The following SRCAP variants were observed in gnomAD, a reference collection of about 807,000 sequenced individuals.
SRCAP encodes Snf2 related CREBBP activator protein.
A neutral mutation model predicts 263.1 loss-of-function variants in SRCAP; 46 were observed. The observed-to-expected ratio is 0.17, with a 90% CI of 0.14 to 0.22. The LOEUF (loss-of-function observed/expected upper bound fraction) is 0.22, where lower values mean the gene tolerates loss of function less well. Ranked by LOEUF, SRCAP falls within the 10% of genes least tolerant of loss-of-function variation. The probability of loss-of-function intolerance (pLI) is 1.00; values close to 1 mark genes in which losing one functional copy is unlikely to be tolerated. For synonymous variants in SRCAP, 1,813 were observed against 1,662.1 expected (o/e 1.09, Z -2.21); for missense variants, 3,695 against 4,181.9 (o/e 0.88, Z 3.21).
chr16:30,738,308 T>C lies in SRCAP; in HGVS notation c.8268T>C (p.Thr2756=). ...GAAAGCTGCCAGGACGGCTGGTAAC[T>C]GTGGTAGAGGAAAAGGAACTGGTGC... The part of the protein sequence containing the change: ...VLRKLPGRLV[T]VVEEKELVRR... The change falls in exon 34 of 34, where the codon ACT becomes ACC. Residue 2756 remains threonine, a synonymous_variant. Transcript: ENST00000262518. 7 of 1,595,396 alleles carry C rather than the reference T, an allele frequency of 4.4e-6. No individual in the cohort carries two copies. The highest frequency in any genetic ancestry group is 6.0e-6 in the Non-Finnish European group (7 of 1,169,780).
chr16:30,701,699 G>A (rs1335932355), intron 3 of SRCAP, among the ~76,000 whole-genome samples: 3 of 146,584 alleles, frequency 2.0e-5, no homozygotes, highest in African/African-American at 5.2e-5. Context: ...GCGCGATCTC[G>A]GCTCACTGCA....
At position 30,707,224 on chromosome 16, in the gene SRCAP, G is replaced by A; in HGVS notation, c.348G>A (p.Glu116=). The A allele has an allele frequency of 6.2e-7, 1 of 1,614,210 alleles. No homozygotes were observed. Among genetic ancestry groups the A allele is most frequent in the East Asian group, 2.2e-5 (1 of 44,882 alleles). The stretch of plus-strand genomic sequence containing the variant: ...CTCGGATTGCTGAGCTGCGGAAGGA[G>A]GGTTTCTGGTCACTGAAGAGGCTGC... ...IETRIAELRK[E]GFWSLKRLPK... is the part of the protein sequence containing the mutation. The change falls in exon 5 of 34, where the codon GAG becomes GAA. Residue 116 remains glutamate, a synonymous_variant. Coordinates refer to ENST00000262518, the MANE Select transcript of SRCAP (RefSeq NM_006662.3).
intron 4 of SRCAP, among the ~76,000 whole-genome samples, chr16:30,705,474 C>T (rs1297047494): frequency 6.6e-6 from 1 of 152,106 alleles, no homozygotes; most frequent in Admixed American, 6.6e-5. Context: ...TTTTGGCTCA[C>T]TGCAAGCTCC....
In SRCAP at chr16:30,704,281, A is replaced by C. The variant is rs1381747460; in HGVS notation, c.272A>C (p.Lys91Thr). 6.2e-7 allele frequency: 1 copy of C among 1,612,962 alleles called. No homozygotes were observed. Among genetic ancestry groups the C allele is most frequent in the Admixed American group, 1.7e-5 (1 of 59,936 alleles). Residue 91 changes from lysine (K) to threonine (T), a missense_variant, in exon 4 of 34, where the codon AAG becomes ACG. By Grantham distance (78) the Lys-to-Thr change is moderately conservative. This residue lies in a region of SRCAP where 122 missense variants were observed against 116.9 expected (regional missense o/e 1.04). Coordinates refer to ENST00000262518, the MANE Select transcript of SRCAP (RefSeq NM_006662.3). ...DLANKGPKWE[K>T]SHAEIAEQAK... The stretch of plus-strand genomic sequence containing the variant: ...GCTAACAAGGGCCCGAAGTGGGAGA[A>C]GAGCCATGCCGAAATTGCAGAACAG...
At chr16:30,711,503 T>C (rs1466788393) in intron 10 of SRCAP, 68 bp from the exon 11 acceptor site, 4 of 1,472,422 alleles carry the variant, frequency 2.7e-6, no homozygotes, top group African/African-American at 2.8e-5. Context: ...TAAAATTAAC[T>C]GGTACTACTC....
chr16:30,739,215 G>A lies in SRCAP; in HGVS notation c.9175G>A (p.Gly3059Arg). The A allele has an allele frequency of 6.2e-7, 1 of 1,613,596 alleles. No individual in the cohort carries two copies. Among genetic ancestry groups the A allele is most frequent in the Non-Finnish European group, 8.5e-7 (1 of 1,180,022 alleles). Residue 3059 changes from glycine (G) to arginine (R), a missense_variant, in exon 34 of 34, where the codon GGA becomes AGA. By Grantham distance (125) the Gly-to-Arg change is moderately radical. Coordinates refer to ENST00000262518, the MANE Select transcript of SRCAP (RefSeq NM_006662.3). ...ESEGSSSDED[G>R]SRPLTRLARL... Reference sequence around the variant, plus strand: ...TGAGGGTAGTTCCTCTGATGAGGATGGAAGCCGCCCCCTCACCCGCCTGGC... The same window carrying A: ...TGAGGGTAGTTCCTCTGATGAGGATAGAAGCCGCCCCCTCACCCGCCTGGC...
intron 25 of SRCAP, chr16:30,725,583 C>T (rs2151294942): frequency 6.5e-6 from 1 of 153,986 alleles, no homozygotes; most frequent in East Asian, 1.9e-4. Flanking sequence ...CATGCCTACT[C>T]CCCCACCTTC....
At chr16:30,704,858 A>G (rs1424727074) in intron 4 of SRCAP, among the ~76,000 whole-genome samples, 1 of 152,018 alleles carries the variant, frequency 6.6e-6, no homozygotes, top group Non-Finnish European at 1.5e-5. Flanking sequence ...AAAGGAGAAA[A>G]TAGACACAAA....
intron 3 of SRCAP, among the ~76,000 whole-genome samples, chr16:30,702,550 TTCCC>T (rs1221956467): frequency 3.9e-5 from 5 of 127,050 alleles, no homozygotes; most frequent in East Asian, 4.9e-4. Context: ...TCCACCCTCC[TTCCC>T]TCCCTCCCTC....
intron 3 of SRCAP, among the ~76,000 whole-genome samples, chr16:30,702,617 C>T (rs796412354): frequency 1.5e-5 from 2 of 134,380 alleles, no homozygotes; most frequent in African/African-American, 2.8e-5. Flanking sequence ...CCCTCCCTCC[C>T]TCCTTCCTTC....
chr16:30,729,829 A>G (rs565481553), intron 27 of SRCAP, among the ~76,000 whole-genome samples: 3 of 151,960 alleles, frequency 2.0e-5, no homozygotes, highest in Non-Finnish European at 4.4e-5. Context: ...AGTGCAGTGC[A>G]GTGGTGCAGT....
At position 30,738,049 on chromosome 16, in the gene SRCAP, C is replaced by G; in HGVS notation, c.8009C>G (p.Ala2670Gly). 1 of 1,614,166 alleles carries G rather than the reference C, an allele frequency of 6.2e-7. No individual in the cohort carries two copies. The highest frequency in any genetic ancestry group is 8.5e-7 in the Non-Finnish European group (1 of 1,180,028). The change falls in exon 34 of 34, where the codon GCT becomes GGT. Residue 2670 changes from alanine to glycine, a missense_variant. Physicochemically the swap from Ala to Gly is moderately conservative, Grantham distance 60. This residue lies in a region of SRCAP where 1,207 missense variants were observed against 1,142.9 expected (regional missense o/e 1.06). Transcript: ENST00000262518. ...GAGCCACTTCAGGAGCCACTGGAGG[C>G]TGACAGGACCTCGGAAGAGCTGACA... ...SDEPLQEPLE[A>G]DRTSEELTEA... is the part of the protein sequence containing the mutation.
At chr16:30,708,024 G>A (rs1372693496) in intron 6 of SRCAP, among the ~76,000 whole-genome samples, 1 of 152,210 alleles carries the variant, frequency 6.6e-6, no homozygotes, top group South Asian at 2.1e-4. Context: ...TGTATAGTAA[G>A]TTGTAATTAT....
chr16:30,734,362 C>T (rs900710319), intron 30 of SRCAP, 134 bp from the exon 31 acceptor site: 1 of 1,327,150 alleles, frequency 7.5e-7, no homozygotes, highest in Non-Finnish European at 1.0e-6. Flanking sequence ...ACAAAAAGGA[C>T]TGCTTTGGCC....
Position 30,710,763 on chromosome 16 carries a change from C to A in SRCAP, c.1144C>A (p.Pro382Thr). 1 of 1,614,180 alleles carries A rather than the reference C, an allele frequency of 6.2e-7. No homozygotes were observed. Among genetic ancestry groups the A allele is most frequent in the South Asian group, 1.1e-5 (1 of 91,084 alleles). ...ATCTTTTGCCATACAGATAAAGCCCCCACCCTCTGCTGTCACACAGCGCAA... is the reference window on the plus strand; with the variant it reads ...ATCTTTTGCCATACAGATAAAGCCCACACCCTCTGCTGTCACACAGCGCAA... ...EPPQVLEIKP[P>T]PSAVTQRNKQ... Residue 382 changes from proline to threonine, a missense_variant, in exon 9 of 34, where the codon CCA becomes ACA. Around this residue, in one of 12 missense-constraint regions of SRCAP, gnomAD observed 288 missense variants for 302.4 expected, o/e 0.95. Coordinates refer to ENST00000262518, the MANE Select transcript of SRCAP (RefSeq NM_006662.3).
rs2053035593 is a variant in SRCAP, at chr16:30,723,838, C to T, written c.4414C>T (p.Leu1472=). 1 of 1,614,138 alleles carries T rather than the reference C, an allele frequency of 6.2e-7. No homozygotes were observed. Reference sequence around the variant, plus strand: ...GACTGTTTCTGCTTCGGGCCCAGCTCTGTTGACCAGTGTGACTCCACCATT... The same window carrying T: ...GACTGTTTCTGCTTCGGGCCCAGCTTTGTTGACCAGTGTGACTCCACCATT... ...PLTVSASGPA[L]LTSVTPPLAP... The change falls in exon 25 of 34, where the codon CTG becomes TTG. Residue 1472 remains leucine, a synonymous_variant. Coordinates refer to ENST00000262518, the MANE Select transcript of SRCAP (RefSeq NM_006662.3).
chr16:30,721,023 G>C (rs1438971918), intron 20 of SRCAP, 45 bp downstream of exon 20: 1 of 1,563,312 alleles, frequency 6.4e-7, no homozygotes, highest in Admixed American at 1.8e-5. Flanking sequence ...GCTTCAGAAA[G>C]GTTGTTCAGA....
rs370256356 is a variant in SRCAP, at chr16:30,737,374, C to T, written c.7334C>T (p.Pro2445Leu). ...RVPRPAPRPR[P>L]TPASAPAAIP... ...CCCAGGCCAGCACCTAGGCCTCGAC[C>T]CACTCCAGCTTCAGCTCCGGCTGCA... Residue 2445 changes from proline (P) to leucine (L), a missense_variant, in exon 34 of 34, where the codon CCC becomes CTC. Pro to Leu is a moderately conservative substitution (Grantham distance 98, BLOSUM62 -3). Transcript: ENST00000262518. 6.2e-7 allele frequency: 1 copy of T among 1,613,442 alleles called. No individual in the cohort carries two copies. Among genetic ancestry groups the T allele is most frequent in the African/African-American group, 1.3e-5 (1 of 74,838 alleles).
At chr16:30,727,323 C>T (rs1399423471) in intron 25 of SRCAP, among the ~76,000 whole-genome samples, 3 of 152,130 alleles carry the variant, frequency 2.0e-5, no homozygotes, top group Non-Finnish European at 2.9e-5. Flanking sequence ...AATGGGTTGT[C>T]TTTTTATTAT....
Sources: gnomAD v4.1 joint callset for allele counts (sites outside exome capture counted in the v4.1 genomes callset) on GRCh38, gnomAD v4.1.1 for gene constraint, gnomAD v4.1.1 regional missense constraint, MANE v1.5 for transcripts, NCBI Gene and HGNC (gene_info 2026-07-23, HGNC 2026-07-21) for gene names.